NPHS1: variants seen among roughly 807,000 people sequenced by gnomAD.
NPHS1 encodes nephrin.
In NPHS1, 107 loss-of-function variants were observed where a neutral mutation model predicts 139.7. That is an observed-to-expected ratio of 0.77 (90% CI 0.66 to 0.90). NPHS1 has a LOEUF of 0.90. Among genes scored for constraint, NPHS1 ranks in the 40% least tolerant of loss-of-function variants. NPHS1 has a pLI of 0.00. For synonymous variants in NPHS1, 707 were observed against 706.6 expected (o/e 1.00, Z -0.01); for missense variants, 1,580 against 1,654.2 (o/e 0.96, Z 0.78).
chr19:35,833,840 G>T (rs1372698471), intron 23 of NPHS1, among the ~76,000 whole-genome samples: 2 of 152,090 alleles, frequency 1.3e-5, no homozygotes, highest in African/African-American at 2.4e-5. Context: ...GGGACTGCAG[G>T]CATGCACTGC....
intron 23 of NPHS1, 22 bp downstream of exon 23, chr19:35,835,683 G>C (rs768954973): frequency 7.5e-6 from 12 of 1,609,224 alleles, no homozygotes; most frequent in Admixed American, 3.3e-5. Flanking sequence ...AGCCGGGAGG[G>C]ATCAGGGGAC....
At position 35,851,244 on chromosome 19, in the gene NPHS1, G is replaced by A; in HGVS notation, c.397+18C>T. The stretch of plus-strand genomic sequence containing the variant: ...TTGAAGCCCAGACTCATGGGTCCTG[G>A]GCGTCTCTCACCCATACCCAGGATG... On this transcript the variant is annotated intron_variant, in intron 3 of 28. Coordinates refer to ENST00000378910, the MANE Select transcript of NPHS1 (RefSeq NM_004646.4). 6.2e-7 allele frequency: 1 copy of A among 1,613,916 alleles called. No homozygotes were observed. The highest frequency in any genetic ancestry group is 8.5e-7 in the Non-Finnish European group (1 of 1,179,906).
In NPHS1 at chr19:35,851,257, C is replaced by A. The variant is rs1488558196; in HGVS notation, c.397+5G>T. On this transcript the variant is annotated splice_donor_5th_base_variant and intron_variant, in intron 3 of 28. Coordinates refer to ENST00000378910, the MANE Select transcript of NPHS1 (RefSeq NM_004646.4). ...TCATGGGTCCTGGGCGTCTCTCACCCATACCCAGGATGGAGAGGATCACTC... is the reference window on the plus strand; with the variant it reads ...TCATGGGTCCTGGGCGTCTCTCACCAATACCCAGGATGGAGAGGATCACTC... The A allele has an allele frequency of 6.2e-7, 1 of 1,613,986 alleles. No homozygotes were observed. Among genetic ancestry groups the A allele is most frequent in the East Asian group, 2.2e-5 (1 of 44,882 alleles).
Position 35,844,109 on chromosome 19 carries a change from C to A in NPHS1, c.2206G>T (p.Val736Leu). The part of the protein sequence containing the change: ...GTAEARLRLD[V>L]HYAPTIRALQ... ...CATGGTGGGCGGGGCTCACAGTGCA[C>A]GTCCAGCCGCAGCCGCGCTTCCGCG... The change falls in exon 16 of 29, where the codon GTG becomes TTG. Residue 736 changes from valine (V) to leucine (L), a missense_variant. Coordinates refer to ENST00000378910, the MANE Select transcript of NPHS1 (RefSeq NM_004646.4). The A allele has an allele frequency of 1.9e-6, 3 of 1,607,056 alleles. No homozygotes were observed. Among genetic ancestry groups the A allele is most frequent in the African/African-American group, 1.3e-5 (1 of 74,526 alleles).
chr19:35,847,885 G>A lies in NPHS1; in HGVS notation c.1440+156C>T, dbSNP rs1005825111. 6.9e-6 allele frequency: 5 copies of A among 725,584 alleles called. No homozygotes were observed. In the Admixed American group the frequency reaches 8.8e-5, roughly 13 times the overall value. The allele number at this position is 725,584 out of a possible 1,614,324, so 44.9% of individuals were successfully genotyped here. ...ATTCCATTTAATTCTCATAGCATTT[G>A]TGTCTTTCCTGATTCCCTGCCAAAC... On this transcript the variant is annotated intron_variant, in intron 11 of 28. Coordinates refer to ENST00000378910, the MANE Select transcript of NPHS1 (RefSeq NM_004646.4).
rs115989220 is a variant in NPHS1, at chr19:35,844,422, C to T, written c.1968G>A (p.Val656=). The T allele has an allele frequency of 1.3e-6, 2 of 1,599,842 alleles. No homozygotes were observed. The highest frequency in any genetic ancestry group is 1.7e-6 in the Non-Finnish European group (2 of 1,173,912). ...PEFLGEQVLV[V]TAVEQGEALL... is the part of the protein sequence containing the mutation. ...ACGCCTCGCCCTGCTCCACCGCGGT[C>T]ACCACCAGCACCTGCTCCCCCAGGA... The change falls in exon 15 of 29, where the codon GTG becomes GTA. Residue 656 remains valine (V), a synonymous_variant. Transcript: ENST00000378910.
chr19:35,839,409 G>A lies in NPHS1; in HGVS notation c.2937C>T (p.Ala979=), dbSNP rs1973021270. ...CATAGTGGAACCCTGGAGTCCCCAG[G>A]GCCTCATACCTGCAGGACAGGGGGA... ...LPQRFCIRYE[A]LGTPGFHYVD... Residue 979 remains alanine (A), a synonymous_variant, in exon 22 of 29, where the codon GCC becomes GCT. Coordinates refer to ENST00000378910, the MANE Select transcript of NPHS1 (RefSeq NM_004646.4). The A allele has an allele frequency of 6.2e-7, 1 of 1,614,118 alleles. No homozygotes were observed. Among genetic ancestry groups the A allele is most frequent in the Middle Eastern group, 1.6e-4 (1 of 6,062 alleles).
chr19:35,846,844 C>A (rs747733674), intron 11 of NPHS1, among the ~76,000 whole-genome samples: 6 of 152,164 alleles, frequency 3.9e-5, no homozygotes, highest in Non-Finnish European at 7.3e-5. Flanking sequence ...ATTCCATTGT[C>A]ATTTCTATAA....
At chr19:35,832,886 CAAAA>C (rs748346116) in intron 23 of NPHS1, among the ~76,000 whole-genome samples, 1 of 45,414 alleles carries the variant, frequency 2.2e-5, no homozygotes, top group African/African-American at 8.5e-5. Context: ...GACCCTGTCT[CAAAA>C]AAAAAAAAAA....
Position 35,844,215 on chromosome 19 carries a change from G to A in NPHS1, c.2100C>T (p.Ser700=), listed in dbSNP as rs570753181. The A allele has an allele frequency of 2.5e-6, 4 of 1,612,942 alleles. No homozygotes were observed. In the East Asian group the frequency reaches 6.7e-5, roughly 27 times the overall value. The stretch of plus-strand genomic sequence containing the variant: ...CATTCCACAGATGCAGAGCCCCGCT[G>A]GACAGGATGCGATGCCGGGGGCCGC... ...PAGGPRHRIL[S]SGALHLWNVT... The change falls in exon 16 of 29, where the codon TCC becomes TCT. Residue 700 remains serine (S), a synonymous_variant. Coordinates refer to ENST00000378910, the MANE Select transcript of NPHS1 (RefSeq NM_004646.4).
Position 35,845,503 on chromosome 19 carries a change from A to G in NPHS1, c.1795T>C (p.Phe599Leu). The G allele has an allele frequency of 3.7e-6, 6 of 1,612,494 alleles. No individual in the cohort carries two copies. Among genetic ancestry groups the G allele is most frequent in the Non-Finnish European group, 4.2e-6 (5 of 1,179,594 alleles). The change falls in exon 14 of 29, where the codon TTC becomes CTC. Residue 599 changes from phenylalanine to leucine, a missense_variant. Phe to Leu is a conservative substitution (Grantham distance 22, BLOSUM62 0). Transcript: ENST00000378910. The surrounding 1 kb of genome is among the most constrained non-coding windows in gnomAD (Gnocchi z 5.5). The part of the protein sequence containing the change: ...GVAAPPRRAP[F>L]KGSAAARSVL... ...CTCCTGGCGGCGGCGGAGCCTTTGA[A>G]TGGGGCTCTCCGGGGTGGGGCGGCC...
chr19:35,830,983 G>A (rs772410938), intron 27 of NPHS1, 27 bp from the exon 28 acceptor site: 11 of 1,604,382 alleles, frequency 6.9e-6, no homozygotes, highest in Admixed American at 5.0e-5. Flanking sequence ...AGGGAGACAC[G>A]ATCAAGGCAC....
At chr19:35,833,175 C>T (rs1469132142) in intron 23 of NPHS1, among the ~76,000 whole-genome samples, 5 of 151,794 alleles carry the variant, frequency 3.3e-5, no homozygotes, top group African/African-American at 9.7e-5. Context: ...ATTATAGGCG[C>T]GAGCCACCGT....
chr19:35,831,270 G>A, intron 26 of NPHS1, 26 bp downstream of exon 26: 1 of 1,611,884 alleles, frequency 6.2e-7, no homozygotes, highest in Non-Finnish European at 8.5e-7. Context: ...CCTGATTGTG[G>A]GGTCACCAGG....
rs1238185170 is a variant in NPHS1, at chr19:35,851,027, G to T, written c.460C>A (p.Gln154Lys). 1 of 1,614,172 alleles carries T rather than the reference G, an allele frequency of 6.2e-7. No individual in the cohort carries two copies. The highest frequency in any genetic ancestry group is 1.1e-5 in the South Asian group (1 of 91,082). ...AGTMVTWVAG[Q>K]EYVVNCVSGD... is the part of the protein sequence containing the mutation. ...GACACACAGTTGACCACGTACTCCT[G>T]CCCAGCTACCCAGGTGACCATGGTG... The change falls in exon 4 of 29, where the codon CAG (glutamine) becomes AAG (lysine). Residue 154 changes from glutamine to lysine, a missense_variant. Gln to Lys is a moderately conservative substitution (Grantham distance 53, BLOSUM62 1). Coordinates refer to ENST00000378910, the MANE Select transcript of NPHS1 (RefSeq NM_004646.4).
chr19:35,846,232 T>G (rs1373688663), intron 11 of NPHS1, 38 bp from the exon 12 acceptor site: 3 of 1,550,812 alleles, frequency 1.9e-6, no homozygotes, highest in South Asian at 1.2e-5. Context: ...CAGGCAGCCC[T>G]GCCGCTTCCA....
Position 35,845,941 on chromosome 19 carries a change from G to T in NPHS1, c.1627+67C>A, listed in dbSNP as rs1319811640. 2 of 1,530,954 alleles carry T rather than the reference G, an allele frequency of 1.3e-6. No individual in the cohort carries two copies. The highest frequency in any genetic ancestry group is 2.8e-5 in the African/African-American group (2 of 72,722). The allele number at this position is 1,530,954 out of a possible 1,614,324, so 94.8% of individuals were successfully genotyped here. On this transcript the variant is annotated intron_variant, in intron 12 of 28. Transcript: ENST00000378910. This position sits in a 1 kb window ranked among gnomAD's most constrained non-coding sequence, Gnocchi z 5.5. ...CTTTCCCCGGGTCCAGGGTTCGCTG[G>T]GTCCCTGCCCCACCTGGCTCTGTCC...
intron 28 of NPHS1, among the ~76,000 whole-genome samples, chr19:35,827,904 A>G (rs113195599): frequency 0.025 from 3,827 of 152,282 alleles, 156 homozygotes; most frequent in African/African-American, 0.088. Flanking sequence ...GTTACAGAGC[A>G]AGCCTCCATC....
Position 35,849,316 on chromosome 19 carries a change from G to A in NPHS1, c.760C>T (p.His254Tyr), listed in dbSNP as rs778853600. Residue 254 changes from histidine (H) to tyrosine (Y), a missense_variant, in exon 7 of 29, where the codon CAC (histidine) becomes TAC (tyrosine). His to Tyr is a moderately conservative substitution (Grantham distance 83, BLOSUM62 2). Coordinates refer to ENST00000378910, the MANE Select transcript of NPHS1 (RefSeq NM_004646.4). ...TCCAAGCTCTGTCCTGCCCGCACGT[G>A]CCCCTCATCCAGGCCTGGCCACTCG... The part of the protein sequence containing the change: ...VIEWPGLDEG[H>Y]VRAGQSLELP... 3.2e-5 allele frequency: 51 copies of A among 1,612,870 alleles called. No homozygotes were observed. The highest frequency in any genetic ancestry group is 1.8e-4 in the Middle Eastern group (1 of 5,512).
Sources: gnomAD v4.1 joint callset for allele counts (sites outside exome capture counted in the v4.1 genomes callset) on GRCh38, gnomAD v4.1.1 for gene constraint, Gnocchi (gnomAD v3.1) non-coding constraint, MANE v1.5 for transcripts, NCBI Gene and HGNC (gene_info 2026-07-23, HGNC 2026-07-21) for gene names.